Variants in CLASP1 observed in about 807,000 individuals in gnomAD.
CLASP1 encodes CLIP-associating protein 1.
Under a neutral mutation model 192.3 loss-of-function variants are expected in CLASP1, and 38 were observed. The ratio of observed to expected loss-of-function variants is 0.20; its 90% confidence interval spans 0.15 to 0.26. CLASP1 has a LOEUF of 0.26. CLASP1 is among the 10% of genes least tolerant of loss of function. The probability of loss-of-function intolerance (pLI) is 1.00; values close to 1 mark genes in which losing one functional copy is unlikely to be tolerated. For synonymous variants in CLASP1, 691 were observed against 712.8 expected, an observed-to-expected ratio of 0.97 and a Z score of 0.49; for missense variants, 1,433 against 1,932.5, an observed-to-expected ratio of 0.74 and a Z score of 4.85.
intron 19 of CLASP1, among the ~76,000 whole-genome samples, chr2:121,436,589 T>C (rs1402499090): frequency 6.6e-6 from 1 of 151,850 alleles, no homozygotes; most frequent in East Asian, 1.9e-4. Context: ...TTTGGTATTA[T>C]AAGCAGAGAC....
At chr2:121,612,210 G>A (rs867102619) in intron 1 of CLASP1, among the ~76,000 whole-genome samples, 3 of 151,254 alleles carry the variant, frequency 2.0e-5, no homozygotes, top group Middle Eastern at 6.9e-3. Context: ...AGGCAGAAGA[G>A]GAGCTGGAGG....
intron 2 of CLASP1, among the ~76,000 whole-genome samples, chr2:121,569,815 T>C (rs2059827091): frequency 6.6e-6 from 1 of 152,068 alleles, no homozygotes; most frequent in South Asian, 2.1e-4. Context: ...CACTCCAGCC[T>C]GGCAAAGAGG....
chr2:121,519,880 C>T (rs2150379206), intron 6 of CLASP1, among the ~76,000 whole-genome samples: 1 of 152,284 alleles, frequency 6.6e-6, no homozygotes, highest in Non-Finnish European at 1.5e-5. Flanking sequence ...GACTGCAGGA[C>T]AATGCAGCTA....
At chr2:121,531,122 A>G (rs1434008405) in intron 2 of CLASP1, 9 of 629,450 alleles carry the variant, frequency 1.4e-5, no homozygotes, top group Admixed American at 7.0e-5. Context: ...TTAGTGTCGC[A>G]AGTAAAGTTC....
At chr2:121,633,368 TTAA>T (rs147025444) in intron 1 of CLASP1, among the ~76,000 whole-genome samples, 2,201 of 152,252 alleles carry the variant, frequency 0.014, 52 homozygotes, top group African/African-American at 0.049. Context: ...ATTCAAAATA[TTAA>T]TAATACCATC....
chr2:121,338,281 G>T (rs1390857670), exon 40 of CLASP1: 1 of 152,286 alleles, frequency 6.6e-6, no homozygotes, highest in African/African-American at 2.4e-5. Flanking sequence ...CGCAGGTCCG[G>T]GAAGCACACA....
intron 8 of CLASP1, among the ~76,000 whole-genome samples, chr2:121,491,758 TGAA>T (rs2150152752): frequency 6.6e-6 from 1 of 152,340 alleles, no homozygotes; most frequent in East Asian, 1.9e-4. Context: ...CATACAAAGA[TGAA>T]GTATTCTATT....
chr2:121,485,602 G>C (rs114142624), intron 8 of CLASP1, among the ~76,000 whole-genome samples: 1 of 152,046 alleles, frequency 6.6e-6, no homozygotes, highest in Non-Finnish European at 1.5e-5. Context: ...GGTGGCTCAC[G>C]CCTGTAATCT....
At chr2:121,421,286 T>C (rs947465255) in intron 22 of CLASP1, among the ~76,000 whole-genome samples, 29 of 152,332 alleles carry the variant, frequency 1.9e-4, no homozygotes, top group Admixed American at 9.2e-4. Flanking sequence ...GACGGAGTCT[T>C]GCTCTGTCAC....
At position 121,457,761 on chromosome 2, in the gene CLASP1, T is replaced by G; in HGVS notation, c.1315-4A>C. 6.2e-7 allele frequency: 1 copy of G among 1,608,944 alleles called. No homozygotes were observed. Among genetic ancestry groups the G allele is most frequent in the Non-Finnish European group, 8.5e-7 (1 of 1,177,400 alleles). On this transcript the variant is annotated splice_polypyrimidine_tract_variant and splice_region_variant and intron_variant, in intron 13 of 39. Transcript: ENST00000263710. The stretch of plus-strand genomic sequence containing the variant: ...TTAACCTAGGGATGTGTGTGTGCTG[T>G]GAAGAACAACAAAAAACAGAGGTCA...
chr2:121,373,915 C>A (rs2069340649), intron 34 of CLASP1, among the ~76,000 whole-genome samples: 1 of 152,228 alleles, frequency 6.6e-6, no homozygotes, highest in African/African-American at 2.4e-5. Flanking sequence ...GGAAAATTTG[C>A]AGCCCAACCA....
intron 2 of CLASP1, among the ~76,000 whole-genome samples, chr2:121,578,265 G>GAAACAAAC (rs1266681411): frequency 6.6e-6 from 1 of 150,738 alleles, no homozygotes; most frequent in African/African-American, 2.5e-5. Context: ...AAGAAACAAA[G>GAAACAAAC]AAACAAACAA....
intron 7 of CLASP1, among the ~76,000 whole-genome samples, chr2:121,511,869 A>G (rs2094146513): frequency 6.6e-6 from 1 of 152,228 alleles, no homozygotes; most frequent in African/African-American, 2.4e-5. Context: ...AAAATTAAAA[A>G]TAAGTGATGT....
chr2:121,569,680 G>A (rs192778008), intron 2 of CLASP1, among the ~76,000 whole-genome samples: 4 of 152,108 alleles, frequency 2.6e-5, no homozygotes, highest in Admixed American at 6.5e-5. Flanking sequence ...TGATGAAATG[G>A]GATATAAAAA....
chr2:121,398,178 C>G (rs1483443865), intron 29 of CLASP1, 144 bp downstream of exon 30: 3 of 656,674 alleles, frequency 4.6e-6, no homozygotes, highest in Non-Finnish European at 7.8e-6. Context: ...CCAAGAGAAA[C>G]AGGAACATGT....
At chr2:121,530,949 GAAC>G (rs1314767475) in intron 2 of CLASP1, 8 of 700,268 alleles carry the variant, frequency 1.1e-5, no homozygotes, top group Non-Finnish European at 1.8e-5. Flanking sequence ...GCTAACGCCT[GAAC>G]AACACACCCG....
In CLASP1 at chr2:121,538,313, G is replaced by A. The variant is rs559030807; in HGVS notation, c.196-7988C>T. Among the ~76,000 whole-genome samples the A allele has an allele frequency of 2.0e-3, 309 of 152,212 alleles. 1 individual carries two copies. Among genetic ancestry groups the A allele is most frequent in the African/African-American group, 7.1e-3 (296 of 41,500 alleles). ...TGTAATCGCAGCTACTTGGGAGGCT[G>A]AGGCAGGAGAATCGCTTGAAACCGG... is the stretch of plus-strand genomic sequence containing the variant. On this transcript the variant is annotated intron_variant, in intron 2 of 39. Coordinates refer to ENST00000263710, the Ensembl canonical transcript of CLASP1.
chr2:121,476,427 T>A (rs2091613910), intron 8 of CLASP1, among the ~76,000 whole-genome samples: 1 of 152,178 alleles, frequency 6.6e-6, no homozygotes, highest in Non-Finnish European at 1.5e-5. Flanking sequence ...GGCAGAGATA[T>A]CAATCTAAAG....
intron 7 of CLASP1, among the ~76,000 whole-genome samples, chr2:121,513,785 G>T (rs2094209067): frequency 6.6e-6 from 1 of 152,226 alleles, no homozygotes. Context: ...GCAGTGAGTT[G>T]TAACAACACA....
Sources: allele counts gnomAD v4.1 joint callset (sites outside exome capture counted in the v4.1 genomes callset), GRCh38; gene constraint gnomAD v4.1.1; transcripts MANE v1.5; gene names NCBI Gene and HGNC (gene_info 2026-07-23, HGNC 2026-07-21).